Variants in POC1B observed in about 807,000 individuals in gnomAD.
The protein encoded by POC1B is POC1 centriolar protein homolog B.
Under a neutral mutation model 60.6 loss-of-function variants are expected in POC1B, and 44 were observed. The ratio of observed to expected loss-of-function variants is 0.73; its 90% CI spans 0.57 to 0.93. The LOEUF is 0.93. Ranked by LOEUF, POC1B falls within the 40% of genes least tolerant of loss-of-function variation. The probability of loss-of-function intolerance (pLI) is 0.00; values close to 1 mark genes in which losing one functional copy is unlikely to be tolerated. For synonymous variants in POC1B, 180 were observed against 198.9 expected (o/e 0.90, Z 0.80); for missense variants, 555 against 572.3 (o/e 0.97, Z 0.31).
chr12:89,498,564 C>G (rs984733962), intron 2 of POC1B, among the ~76,000 whole-genome samples: 1 of 152,194 alleles, frequency 6.6e-6, no homozygotes, highest in African/African-American at 2.4e-5. Context: ...TGCCAACATA[C>G]AAAGTTCATT....
intron 4 of POC1B, among the ~76,000 whole-genome samples, chr12:89,490,781 T>C (rs1868924162): frequency 6.6e-6 from 1 of 152,210 alleles, no homozygotes; most frequent in Admixed American, 6.5e-5. Context: ...AAGAGACTGC[T>C]ACCAAAGATT....
At chr12:89,523,600 C>T (rs759366408) in intron 2 of POC1B, 1 of 1,563,188 alleles carries the variant, frequency 6.4e-7, no homozygotes, top group Non-Finnish European at 8.6e-7. Context: ...ATATTTCTTG[C>T]TGACAGCAAA....
At chr12:89,511,531 A>G (rs910799213) in intron 2 of POC1B, among the ~76,000 whole-genome samples, 2 of 152,094 alleles carry the variant, frequency 1.3e-5, no homozygotes, top group Non-Finnish European at 2.9e-5. Flanking sequence ...ATGTCCTACT[A>G]TAAAGTCCAT....
chr12:89,453,450 C>A (rs1852421863), intron 10 of POC1B, among the ~76,000 whole-genome samples: 1 of 152,104 alleles, frequency 6.6e-6, no homozygotes, highest in Non-Finnish European at 1.5e-5. Flanking sequence ...AGAGCAGGGA[C>A]AGGAGAAACA....
intron 1 of POC1B, 181 bp downstream of exon 1, chr12:89,525,700 C>T (rs1306288267): frequency 7.9e-7 from 1 of 1,258,526 alleles, no homozygotes; most frequent in South Asian, 2.3e-5. Flanking sequence ...CTGGGTTCCG[C>T]ACTCCGTCCG....
chr12:89,411,573 T>C, the POC1B span, among the ~76,000 whole-genome samples: 1 of 152,242 alleles, frequency 6.6e-6, no homozygotes, highest in African/African-American at 2.4e-5. Context: ...AATCAAGTCC[T>C]GTGTCTTTTG....
At chr12:89,523,256 A>G in intron 2 of POC1B, 2 of 1,614,052 alleles carry the variant, frequency 1.2e-6, no homozygotes, top group Non-Finnish European at 8.5e-7. Context: ...AAATTAGGAA[A>G]AACGTTTTTC....
At chr12:89,427,563 T>A (rs1005222056) in intron 10 of POC1B, 21 of 152,228 alleles carry the variant, frequency 1.4e-4, no homozygotes, top group African/African-American at 4.6e-4. Flanking sequence ...TAGACAGGCA[T>A]GCTAGTGTGT....
chr12:89,455,228 A>G (rs1882205545), intron 10 of POC1B, among the ~76,000 whole-genome samples: 1 of 152,154 alleles, frequency 6.6e-6, no homozygotes, highest in African/African-American at 2.4e-5. Flanking sequence ...CGAGCTACTC[A>G]GGAAGCTGAG....
At chr12:89,448,192 T>TC (rs1037578146) in intron 10 of POC1B, among the ~76,000 whole-genome samples, 2 of 152,024 alleles carry the variant, frequency 1.3e-5, no homozygotes, top group African/African-American at 2.4e-5. Flanking sequence ...GTAATCTCAG[T>TC]CCTTTGGGAG....
At chr12:89,424,584 G>T (rs1880677116) in intron 11 of POC1B, among the ~76,000 whole-genome samples, 1 of 152,164 alleles carries the variant, frequency 6.6e-6, no homozygotes, top group Non-Finnish European at 1.5e-5. Flanking sequence ...AATCAACAGA[G>T]TTGGAAGAGA....
At chr12:89,434,769 T>A (rs574209910) in intron 10 of POC1B, among the ~76,000 whole-genome samples, 1 of 152,304 alleles carries the variant, frequency 6.6e-6, no homozygotes, top group African/African-American at 2.4e-5. Context: ...ATCTGTTCCA[T>A]AACAAATTCA....
chr12:89,472,424 A>ACCG, intron 4 of POC1B, 149 bp from the exon 5 acceptor site: 1 of 589,834 alleles, frequency 1.7e-6, no homozygotes, highest in Admixed American at 3.5e-5. Context: ...TTCTGCAGCC[A>ACCG]AGATCTTCAT....
intron 3 of POC1B, 38 bp from the exon 4 acceptor site, chr12:89,492,153 T>A: frequency 7.1e-7 from 1 of 1,405,918 alleles, no homozygotes; most frequent in Non-Finnish European, 9.5e-7. Flanking sequence ...ACTCATTTGA[T>A]TTAATTATAG....
intron 10 of POC1B, among the ~76,000 whole-genome samples, chr12:89,448,054 T>G (rs960607257): frequency 2.6e-5 from 4 of 152,118 alleles, no homozygotes; most frequent in Non-Finnish European, 1.5e-5. Context: ...ACAGTTTGTA[T>G]CACGGACTTG....
At chr12:89,480,348 G>T (rs12315913) in intron 4 of POC1B, among the ~76,000 whole-genome samples, 1 of 151,418 alleles carries the variant, frequency 6.6e-6, no homozygotes, top group African/African-American at 2.4e-5. Flanking sequence ...GGCTGCCCAG[G>T]CTGGTCTCAA....
intron 2 of POC1B, chr12:89,523,304 G>A (rs192894218): frequency 1.2e-5 from 20 of 1,614,032 alleles, no homozygotes; most frequent in Admixed American, 1.0e-4. Context: ...AACCGCTCTC[G>A]TAGTAATTTT....
At chr12:89,436,333 G>A (rs930568231) in intron 10 of POC1B, among the ~76,000 whole-genome samples, 6 of 152,018 alleles carry the variant, frequency 3.9e-5, no homozygotes, top group Admixed American at 1.3e-4. Flanking sequence ...AACAAAACCC[G>A]TTATGTTTCA....
intron 11 of POC1B, among the ~76,000 whole-genome samples, chr12:89,424,410 A>G (rs2120646773): frequency 6.6e-6 from 1 of 152,252 alleles, no homozygotes; most frequent in South Asian, 2.1e-4. Flanking sequence ...AGCTATTTCT[A>G]TTTGAAATAT....
Sources: gnomAD v4.1 joint callset for allele counts (sites outside exome capture counted in the v4.1 genomes callset) on GRCh38, gnomAD v4.1.1 for gene constraint, MANE v1.5 for transcripts, NCBI Gene and HGNC (gene_info 2026-07-23, HGNC 2026-07-21) for gene names.